MBD5: variants seen among roughly 807,000 people sequenced by gnomAD.
MBD5 encodes the protein methyl-CpG-binding domain protein 5.
MBD5 carries 13 observed loss-of-function variants against 117.3 expected under a neutral mutation model. The observed-to-expected ratio is 0.11, with a 90% CI of 0.07 to 0.18. MBD5 has a LOEUF of 0.18. Among genes scored for constraint, MBD5 ranks in the 10% least tolerant of loss-of-function variants. MBD5 has a pLI of 1.00. For synonymous variants in MBD5, 727 were observed against 766.4 expected (o/e 0.95, Z 0.85); for missense variants, 1,879 against 2,093.8 (o/e 0.90, Z 2.00).
chr2:148,282,875 T>C (rs2106389938), intron 3 of MBD5, among the ~76,000 whole-genome samples: 1 of 149,708 alleles, frequency 6.7e-6, no homozygotes, highest in African/African-American at 2.5e-5. Context: ...TTTTTCCATA[T>C]AGACTGACTT....
At chr2:148,172,932 G>A (rs1272347735) in intron 1 of MBD5, among the ~76,000 whole-genome samples, 7 of 152,100 alleles carry the variant, frequency 4.6e-5, no homozygotes, top group Admixed American at 3.9e-4. Flanking sequence ...CACTCATCAG[G>A]ACGACCTGCC....
intron 5 of MBD5, among the ~76,000 whole-genome samples, chr2:148,460,054 A>G (rs1380895934): frequency 6.6e-6 from 1 of 152,186 alleles, no homozygotes; most frequent in Non-Finnish European, 1.5e-5. Flanking sequence ...TTAACAAAGT[A>G]CCAGAAATAC....
intron 11 of MBD5, among the ~76,000 whole-genome samples, chr2:148,494,684 G>A (rs142096097): frequency 0.012 from 1,846 of 152,244 alleles, 53 homozygotes; most frequent in African/African-American, 0.042. Flanking sequence ...ATTCTGGGCC[G>A]GGCGCGGTGG....
chr2:148,304,667 A>G (rs1701848542), intron 3 of MBD5, among the ~76,000 whole-genome samples: 1 of 152,196 alleles, frequency 6.6e-6, no homozygotes, highest in East Asian at 1.9e-4. Context: ...GGCAGTGGGT[A>G]TCTATACCCA....
intron 4 of MBD5, among the ~76,000 whole-genome samples, chr2:148,443,613 A>T (rs1706399234): frequency 1.3e-5 from 2 of 151,426 alleles, no homozygotes; most frequent in Admixed American, 1.3e-4. Flanking sequence ...GGAGGTCATT[A>T]TGTGAAATGA....
chr2:148,455,383 C>T (rs543338708), intron 4 of MBD5, among the ~76,000 whole-genome samples: 2 of 152,054 alleles, frequency 1.3e-5, no homozygotes, highest in Non-Finnish European at 2.9e-5. Flanking sequence ...GAGAGGCAGA[C>T]GGATTAGGGT....
Position 148,484,140 on chromosome 2 carries a change from G to A in MBD5, c.3544+5G>A. On this transcript the variant is annotated splice_donor_5th_base_variant and intron_variant, in intron 9 of 13. Transcript: ENST00000642680. ...TACTGGGGACAGGTCTACTTGGTAA[G>A]TTAAATTTTTTCACAAATTTTTTAC... 1 of 1,410,818 alleles carries A rather than the reference G, an allele frequency of 7.1e-7. No homozygotes were observed. Among genetic ancestry groups the A allele is most frequent in the Non-Finnish European group, 9.2e-7 (1 of 1,081,154 alleles). 87.4% of individuals were successfully genotyped at this position (1,410,818 alleles called of 1,614,324 possible). A position where few individuals can be genotyped will look rare whatever the true frequency, so the allele number is the denominator to read the frequency against.
At chr2:148,236,642 C>A (rs1700097503) in intron 3 of MBD5, among the ~76,000 whole-genome samples, 1 of 152,130 alleles carries the variant, frequency 6.6e-6, no homozygotes, top group South Asian at 2.1e-4. Context: ...ATTTATAGAG[C>A]ACAGGCAGAG....
intron 1 of MBD5, among the ~76,000 whole-genome samples, chr2:148,072,334 A>G (rs1057089475): frequency 1.3e-5 from 2 of 152,222 alleles, no homozygotes. Context: ...ACACAATGCC[A>G]TCCAGTAGGA....
At chr2:148,135,725 G>C (rs1290665372) in intron 1 of MBD5, among the ~76,000 whole-genome samples, 1 of 152,142 alleles carries the variant, frequency 6.6e-6, no homozygotes, top group African/African-American at 2.4e-5. Context: ...CCATTGGTAA[G>C]CTTATTCACA....
chr2:148,048,540 G>A (rs1042424519), intron 1 of MBD5, among the ~76,000 whole-genome samples: 1 of 152,112 alleles, frequency 6.6e-6, no homozygotes, highest in African/African-American at 2.4e-5. Flanking sequence ...TCTATTTTTG[G>A]ACATTAGCAA....
At position 148,469,920 on chromosome 2, in the gene MBD5, A is replaced by G. The variant is rs1193646432; in HGVS notation, c.1977A>G (p.Arg659=). The change falls in exon 8 of 14, where the codon AGA becomes AGG. Residue 659 remains arginine (R), a synonymous_variant. Transcript: ENST00000642680. ...AGCAAAAAGACGCATTGCGGAAAAG[A>G]AAACAACCACCTACGACAGTGTTGA... is the stretch of plus-strand genomic sequence containing the variant. ...MSQQKDALRK[R]KQPPTTVLSL... is the part of the protein sequence containing the mutation. 2 of 1,613,880 alleles carry G rather than the reference A, an allele frequency of 1.2e-6. No homozygotes were observed. The highest frequency in any genetic ancestry group is 2.2e-5 in the East Asian group (1 of 44,892).
chr2:148,219,278 T>G (rs1191624348), intron 2 of MBD5, among the ~76,000 whole-genome samples: 3 of 152,182 alleles, frequency 2.0e-5, no homozygotes, highest in Non-Finnish European at 2.9e-5. Flanking sequence ...TGGAAGGATC[T>G]CAGGGGCAGT....
chr2:148,275,114 A>G (rs1701076488), intron 3 of MBD5, among the ~76,000 whole-genome samples: 1 of 152,164 alleles, frequency 6.6e-6, no homozygotes, highest in African/African-American at 2.4e-5. Context: ...TTCTTATGCA[A>G]CCTATATAAG....
intron 1 of MBD5, among the ~76,000 whole-genome samples, chr2:148,077,065 AC>A (rs1695526845): frequency 6.6e-6 from 1 of 152,228 alleles, no homozygotes; most frequent in Non-Finnish European, 1.5e-5. Context: ...TGAAATATTT[AC>A]TGTCTAATCC....
chr2:148,424,225 G>A (rs187837778), intron 4 of MBD5, among the ~76,000 whole-genome samples: 79 of 129,244 alleles, frequency 6.1e-4, no homozygotes, highest in African/African-American at 2.1e-3. Flanking sequence ...AACAGCAGAG[G>A]TCGTAATCCT....
At chr2:148,147,537 G>A (rs948651567) in intron 1 of MBD5, among the ~76,000 whole-genome samples, 16 of 152,084 alleles carry the variant, frequency 1.1e-4, no homozygotes, top group African/African-American at 3.9e-4. Context: ...ACCATGCCCA[G>A]CCCCAAACTG....
chr2:148,451,576 G>T (rs1437143962), intron 4 of MBD5, among the ~76,000 whole-genome samples: 1 of 152,086 alleles, frequency 6.6e-6, no homozygotes, highest in East Asian at 1.9e-4. Flanking sequence ...ATGATGGAAA[G>T]ATTATGAATA....
intron 1 of MBD5, among the ~76,000 whole-genome samples, chr2:148,047,953 C>A (rs1694579926): frequency 1.3e-5 from 2 of 152,114 alleles, no homozygotes; most frequent in Admixed American, 1.3e-4. Context: ...TTTTAGAAAG[C>A]CTCACAAAGA....
Sources: allele counts gnomAD v4.1 joint callset (sites outside exome capture counted in the v4.1 genomes callset), GRCh38; gene constraint gnomAD v4.1.1; transcripts MANE v1.5; gene names NCBI Gene and HGNC (gene_info 2026-07-23, HGNC 2026-07-21).